Variants in SORBS2 observed in about 807,000 individuals in gnomAD.
SORBS2 encodes sorbin and SH3 domain containing 2.
A neutral mutation model predicts 97.7 loss-of-function variants in SORBS2; 46 were observed. That is an observed-to-expected ratio of 0.47 (90% CI 0.37 to 0.60). The LOEUF (loss-of-function observed/expected upper bound fraction) is 0.60. SORBS2 is among the 20% of genes least tolerant of loss of function. The pLI is 0.00. For missense variants in SORBS2, 1,316 were observed against 1,282.3 expected (o/e 1.03, Z -0.40); for synonymous variants, 476 against 473.4 (o/e 1.01, Z -0.07).
chr4:185,619,828 G>A (rs942750271), intron 8 of SORBS2, among the ~76,000 whole-genome samples: 3 of 152,186 alleles, frequency 2.0e-5, no homozygotes, highest in Non-Finnish European at 4.4e-5. Flanking sequence ...ACTCGGAGAA[G>A]CCTCATGGCC....
intron 2 of SORBS2, among the ~76,000 whole-genome samples, chr4:185,749,340 C>T (rs1237478010): frequency 6.6e-6 from 1 of 152,222 alleles, no homozygotes; most frequent in Non-Finnish European, 1.5e-5. Flanking sequence ...CTGGGAACAG[C>T]AGAGCTGTCA....
chr4:185,728,356 C>A (rs2098579890), intron 2 of SORBS2, among the ~76,000 whole-genome samples: 1 of 152,146 alleles, frequency 6.6e-6, no homozygotes, highest in Non-Finnish European at 1.5e-5. Context: ...CCCAAAAACC[C>A]CTGTATTTCT....
chr4:185,683,291 A>T (rs2153507019), intron 2 of SORBS2, among the ~76,000 whole-genome samples: 1 of 152,100 alleles, frequency 6.6e-6, no homozygotes, highest in East Asian at 1.9e-4. Context: ...AAGTCGAGTT[A>T]TATGAAATTG....
chr4:185,947,632 A>G (rs1454955414), intron 1 of SORBS2, among the ~76,000 whole-genome samples: 1 of 151,596 alleles, frequency 6.6e-6, no homozygotes, highest in Non-Finnish European at 1.5e-5. Context: ...TCTTTTTGAG[A>G]TGGAGTTTCG....
intron 1 of SORBS2, among the ~76,000 whole-genome samples, chr4:185,891,627 C>T (rs1283031915): frequency 8.5e-5 from 13 of 152,152 alleles, no homozygotes; most frequent in Non-Finnish European, 1.6e-4. Flanking sequence ...AGCTATGAGG[C>T]CTCACTCACA....
At chr4:185,916,883 C>G (rs2099258427) in intron 1 of SORBS2, among the ~76,000 whole-genome samples, 1 of 152,184 alleles carries the variant, frequency 6.6e-6, no homozygotes, top group Admixed American at 6.5e-5. Flanking sequence ...TTTTCGTATG[C>G]TAATGAGCTG....
chr4:185,949,393 T>C (rs910758322), intron 1 of SORBS2, among the ~76,000 whole-genome samples: 2 of 152,194 alleles, frequency 1.3e-5, no homozygotes, highest in Non-Finnish European at 2.9e-5. Context: ...ATACCTGACA[T>C]TCATTATCCT....
intron 2 of SORBS2, among the ~76,000 whole-genome samples, chr4:185,733,132 A>T (rs2098655829): frequency 6.6e-6 from 1 of 152,266 alleles, no homozygotes; most frequent in Non-Finnish European, 1.5e-5. Flanking sequence ...AATTGGTTGC[A>T]CTTTGTTGCA....
intron 12 of SORBS2, among the ~76,000 whole-genome samples, chr4:185,611,404 A>G (rs746511916): frequency 6.6e-6 from 1 of 151,488 alleles, no homozygotes; most frequent in Non-Finnish European, 1.5e-5. Flanking sequence ...TGTAAAGATT[A>G]TATTATATAC....
chr4:185,793,369 C>T (rs758266722), intron 1 of SORBS2, among the ~76,000 whole-genome samples: 55 of 152,126 alleles, frequency 3.6e-4, no homozygotes, highest in African/African-American at 1.0e-3. Context: ...TCATTTTTGC[C>T]GTGAATACTC....
At chr4:185,701,106 T>C (rs377070789) in intron 2 of SORBS2, among the ~76,000 whole-genome samples, 9 of 152,248 alleles carry the variant, frequency 5.9e-5, no homozygotes, top group East Asian at 1.9e-4. Context: ...TTTTAACATA[T>C]GTAGTGAAAT....
intron 2 of SORBS2, among the ~76,000 whole-genome samples, chr4:185,748,115 G>T (rs1236172827): frequency 1.3e-5 from 2 of 152,090 alleles, no homozygotes; most frequent in African/African-American, 4.8e-5. Flanking sequence ...TAAGTTTTCG[G>T]GTGGCCCACT....
chr4:185,676,596 G>A (rs530698036), intron 4 of SORBS2, among the ~76,000 whole-genome samples: 1 of 152,216 alleles, frequency 6.6e-6, no homozygotes, highest in South Asian at 2.1e-4. Context: ...ATCTGAAGAG[G>A]TTTTACACAT....
chr4:185,827,300 T>C (rs1269514063), intron 1 of SORBS2, among the ~76,000 whole-genome samples: 14 of 81,318 alleles, frequency 1.7e-4, no homozygotes, highest in East Asian at 8.5e-4. Context: ...ATCATCATCA[T>C]CACCATCATC....
At chr4:185,601,814 C>G (rs1037468131) in intron 12 of SORBS2, among the ~76,000 whole-genome samples, 3 of 152,090 alleles carry the variant, frequency 2.0e-5, no homozygotes, top group African/African-American at 7.2e-5. Flanking sequence ...GCCGGGGATC[C>G]CCTTCTGATG....
At chr4:185,815,189 C>A (rs772894272) in intron 1 of SORBS2, among the ~76,000 whole-genome samples, 4 of 152,154 alleles carry the variant, frequency 2.6e-5, no homozygotes, top group African/African-American at 4.8e-5. Context: ...ATGTGTGTTT[C>A]TCTAATTACT....
At chr4:185,701,184 CTTTCT>C (rs1435062272) in intron 2 of SORBS2, among the ~76,000 whole-genome samples, 1 of 152,208 alleles carries the variant, frequency 6.6e-6, no homozygotes, top group Non-Finnish European at 1.5e-5. Flanking sequence ...TCTCAACACT[CTTTCT>C]TTTATCTTGG....
intron 1 of SORBS2, among the ~76,000 whole-genome samples, chr4:185,853,403 C>T (rs13104167): frequency 0.53 from 80,647 of 151,918 alleles, 21,990 homozygotes; most frequent in East Asian, 0.77. Flanking sequence ...TCTTCTAGTT[C>T]GTTCATATAC....
intron 11 of SORBS2, 47 bp downstream of exon 23, chr4:185,614,784 A>G: frequency 6.2e-7 from 1 of 1,606,448 alleles, no homozygotes; most frequent in Non-Finnish European, 8.5e-7. Flanking sequence ...AAACCCACTG[A>G]AGAACAAACA....
Sources: gnomAD v4.1 joint callset for allele counts (sites outside exome capture counted in the v4.1 genomes callset) on GRCh38, gnomAD v4.1.1 for gene constraint, MANE v1.5 for transcripts, NCBI Gene and HGNC (gene_info 2026-07-23, HGNC 2026-07-21) for gene names.